NRG3: variants seen among roughly 807,000 people sequenced by gnomAD.
The protein encoded by NRG3 is neuregulin 3.
A neutral mutation model predicts 66.9 loss-of-function variants in NRG3; 31 were observed. The observed-to-expected ratio is 0.46, with a 90% CI of 0.35 to 0.63. NRG3 has a LOEUF of 0.63. Among genes scored for constraint, NRG3 ranks in the 20% least tolerant of loss-of-function variants. The probability of loss-of-function intolerance (pLI) is 0.00; values close to 1 mark genes in which losing one functional copy is unlikely to be tolerated. For synonymous variants in NRG3, 393 were observed against 359.4 expected, an observed-to-expected ratio of 1.09 and a Z score of -1.06; for missense variants, 910 against 878.9, an observed-to-expected ratio of 1.04 and a Z score of -0.45.
intron 1 of NRG3, among the ~76,000 whole-genome samples, chr10:82,314,820 A>C (rs369332560): frequency 6.6e-6 from 1 of 152,156 alleles, no homozygotes; most frequent in East Asian, 1.9e-4. Context: ...AAAACAAATA[A>C]ACAAAAAAAC....
At chr10:82,291,328 AC>A (rs2079733978) in intron 1 of NRG3, among the ~76,000 whole-genome samples, 1 of 152,226 alleles carries the variant, frequency 6.6e-6, no homozygotes, top group Non-Finnish European at 1.5e-5. Context: ...AAAAATGCTG[AC>A]AAAAGAAATA....
chr10:82,338,157 A>G (rs1026989671), intron 1 of NRG3, among the ~76,000 whole-genome samples: 1 of 152,218 alleles, frequency 6.6e-6, no homozygotes, highest in Non-Finnish European at 1.5e-5. Context: ...AATGCAGAAA[A>G]GGATCAATTC....
chr10:82,149,052 TTTTG>T (rs368004597), intron 1 of NRG3, among the ~76,000 whole-genome samples: 17,633 of 77,966 alleles, frequency 0.23, 1,706 homozygotes, highest in African/African-American at 0.39. Flanking sequence ...ATTCCTGTTT[TTTTG>T]TTTTTGTTTT....
intron 1 of NRG3, among the ~76,000 whole-genome samples, chr10:81,905,843 G>T (rs1844552645): frequency 6.6e-6 from 1 of 152,098 alleles, no homozygotes; most frequent in Admixed American, 6.6e-5. Flanking sequence ...TTGCATAATT[G>T]GAATTTGCCT....
intron 1 of NRG3, among the ~76,000 whole-genome samples, chr10:82,187,965 A>G (rs2073906530): frequency 6.6e-6 from 1 of 152,114 alleles, no homozygotes; most frequent in African/African-American, 2.4e-5. Context: ...ATAGAAAAAA[A>G]AAAACGTAAA....
chr10:81,952,105 G>C (rs9988782), intron 1 of NRG3, among the ~76,000 whole-genome samples: 22,022 of 151,994 alleles, frequency 0.14, 2,229 homozygotes, highest in East Asian at 0.34. Flanking sequence ...GTGGGGGAAG[G>C]GGGGAGGGAT....
intron 2 of NRG3, among the ~76,000 whole-genome samples, chr10:82,579,350 C>T (rs1350028052): frequency 6.6e-6 from 1 of 151,694 alleles, no homozygotes; most frequent in Non-Finnish European, 1.5e-5. Flanking sequence ...TTTAATTTGG[C>T]CAAATGTAAT....
intron 3 of NRG3, among the ~76,000 whole-genome samples, chr10:82,758,081 A>G (rs2059151242): frequency 6.6e-6 from 1 of 152,074 alleles, no homozygotes; most frequent in Non-Finnish European, 1.5e-5. Context: ...TAGTCAAAAC[A>G]AAGCAGCTTT....
intron 2 of NRG3, among the ~76,000 whole-genome samples, chr10:82,565,306 T>C (rs2045329041): frequency 6.6e-6 from 1 of 152,102 alleles, no homozygotes; most frequent in Non-Finnish European, 1.5e-5. Context: ...AGAGTGAATA[T>C]GGGTTCTGAC....
intron 3 of NRG3, among the ~76,000 whole-genome samples, chr10:82,755,678 G>A (rs2059048582): frequency 6.6e-6 from 1 of 152,110 alleles, no homozygotes; most frequent in African/African-American, 2.4e-5. Context: ...ATTATCTGCT[G>A]AGAAGGACAA....
chr10:82,597,914 C>T (rs1286118399), intron 2 of NRG3, among the ~76,000 whole-genome samples: 1 of 108,364 alleles, frequency 9.2e-6, no homozygotes, highest in East Asian at 3.1e-4. Context: ...GGCGAGACTC[C>T]CTCTCAAAAA....
rs917457901 is a variant in NRG3, at chr10:81,877,678, A to G, written c.823+1515A>G. 6.9e-6 allele frequency: 9 copies of G among 1,295,176 alleles called. No individual in the cohort carries two copies. In the African/African-American group the frequency reaches 9.2e-5, roughly 13 times the overall value. The allele number at this position is 1,295,176 out of a possible 1,614,324, so 80.2% of individuals were successfully genotyped here. The stretch of plus-strand genomic sequence containing the variant: ...TTGGAAAAAACCGTCTAGAAGATAA[A>G]TTGGGAGACAGGAAGGAGGGAAGGA... On this transcript the variant is annotated intron_variant, in intron 1 of 8. Coordinates refer to ENST00000372141, the MANE Select transcript of NRG3 (RefSeq NM_001010848.4).
chr10:82,649,546 CTG>C (rs1376499812), intron 2 of NRG3, among the ~76,000 whole-genome samples: 1 of 135,698 alleles, frequency 7.4e-6, no homozygotes, highest in African/African-American at 2.7e-5. Context: ...TCTCAGCTCA[CTG>C]TAACCTCTGC....
chr10:82,199,201 AT>A (rs915205260), intron 1 of NRG3, among the ~76,000 whole-genome samples: 5 of 151,672 alleles, frequency 3.3e-5, no homozygotes, highest in East Asian at 1.9e-4. Context: ...AGAAAAAAAA[AT>A]AACTCAAGTA....
At chr10:82,448,193 A>G (rs1038457618) in intron 2 of NRG3, among the ~76,000 whole-genome samples, 47 of 152,206 alleles carry the variant, frequency 3.1e-4, no homozygotes, top group African/African-American at 1.0e-3. Flanking sequence ...CAGGTATTCA[A>G]TTTTACTAGG....
At chr10:82,016,654 A>G (rs958018541) in intron 1 of NRG3, among the ~76,000 whole-genome samples, 1 of 152,116 alleles carries the variant, frequency 6.6e-6, no homozygotes, top group Non-Finnish European at 1.5e-5. Context: ...CAGGGAGAGA[A>G]ACTGAAAAAA....
At chr10:82,617,092 C>T (rs950432868) in intron 2 of NRG3, among the ~76,000 whole-genome samples, 1 of 152,108 alleles carries the variant, frequency 6.6e-6, no homozygotes, top group African/African-American at 2.4e-5. Flanking sequence ...TATAGTAATG[C>T]ACAGAGGCTC....
chr10:82,486,447 C>T (rs1842685157), intron 2 of NRG3, among the ~76,000 whole-genome samples: 1 of 150,972 alleles, frequency 6.6e-6, no homozygotes, highest in Admixed American at 6.6e-5. Context: ...TGGAGTCTTG[C>T]TCTGTCGCCC....
chr10:82,468,962 G>A (rs1007845461), intron 2 of NRG3, among the ~76,000 whole-genome samples: 1 of 152,134 alleles, frequency 6.6e-6, no homozygotes, highest in Non-Finnish European at 1.5e-5. Flanking sequence ...TGCTATCATT[G>A]AGCATAAATA....
Sources: allele counts gnomAD v4.1 joint callset (sites outside exome capture counted in the v4.1 genomes callset), GRCh38; gene constraint gnomAD v4.1.1; transcripts MANE v1.5; gene names NCBI Gene and HGNC (gene_info 2026-07-23, HGNC 2026-07-21).